TMEM132B: variants seen among roughly 807,000 people sequenced by gnomAD.
TMEM132B encodes the protein transmembrane protein 132B.
In TMEM132B, 18 loss-of-function variants were observed where a neutral mutation model predicts 90.8. That is an observed-to-expected ratio of 0.20 (90% CI 0.14 to 0.29). The LOEUF is 0.29. Among genes scored for constraint, TMEM132B ranks in the 10% least tolerant of loss-of-function variants. TMEM132B has a pLI of 1.00. For synonymous variants in TMEM132B, 504 were observed against 523.3 expected (o/e 0.96, Z 0.50); for missense variants, 1,096 against 1,326.8 (o/e 0.83, Z 2.70).
chr12:125,553,176 A>G lies in TMEM132B; in HGVS notation c.1294-30675A>G, dbSNP rs371576342. 9.8e-5 allele frequency among the ~76,000 whole-genome samples: 15 copies of G among 152,364 alleles called. No homozygotes were observed. In the East Asian group the frequency reaches 2.9e-3, roughly 29 times the overall value. On this transcript the variant is annotated intron_variant, in intron 4 of 8. Transcript: ENST00000682704. ...ATTTTATAATTTGCACGGGTTCTTTAGGGACTAATAGCTTCTCTGTACTGA... is the reference window on the plus strand; with the variant it reads ...ATTTTATAATTTGCACGGGTTCTTTGGGGACTAATAGCTTCTCTGTACTGA...
chr12:125,217,746 G>A (rs1004244053), intron 1 of TMEM132B, among the ~76,000 whole-genome samples: 2 of 152,170 alleles, frequency 1.3e-5, no homozygotes, highest in Non-Finnish European at 2.9e-5. Flanking sequence ...GAGCTACCAC[G>A]CCTGGCCTTC....
chr12:125,253,733 C>A (rs1874368414), intron 1 of TMEM132B, among the ~76,000 whole-genome samples: 1 of 152,258 alleles, frequency 6.6e-6, no homozygotes, highest in East Asian at 1.9e-4. Context: ...GGTGCCTGGC[C>A]CATCCCTTCA....
intron 5 of TMEM132B, among the ~76,000 whole-genome samples, chr12:125,643,175 G>A (rs117787311): frequency 6.6e-6 from 1 of 152,180 alleles, no homozygotes; most frequent in African/African-American, 2.4e-5. Context: ...GCTTGCAAAA[G>A]TGGGGCTGTG....
rs142105899 is a variant in TMEM132B, at chr12:125,478,278, A to C, written c.1107-41161A>C. 1.4e-3 allele frequency among the ~76,000 whole-genome samples: 213 copies of C among 152,358 alleles called. 1 individual carries two copies. The highest frequency in any genetic ancestry group is 4.9e-3 in the African/African-American group (205 of 41,586). Reference sequence around the variant, plus strand: ...GATGGAGAATGACTGACGATTTGACAGAAGTAGGCTTCAGAAAGTCGGTAA... The same window carrying C: ...GATGGAGAATGACTGACGATTTGACCGAAGTAGGCTTCAGAAAGTCGGTAA... On this transcript the variant is annotated intron_variant, in intron 3 of 8. Coordinates refer to ENST00000682704, the MANE Select transcript of TMEM132B (RefSeq NM_001366854.1).
chr12:125,462,656 C>G (rs1881467916), intron 3 of TMEM132B, among the ~76,000 whole-genome samples: 1 of 152,086 alleles, frequency 6.6e-6, no homozygotes, highest in African/African-American at 2.4e-5. Context: ...GGACTATGGG[C>G]TGGTTGAACT....
chr12:125,634,476 C>T (rs1273010147), intron 5 of TMEM132B, among the ~76,000 whole-genome samples: 1 of 152,212 alleles, frequency 6.6e-6, no homozygotes, highest in Non-Finnish European at 1.5e-5. Flanking sequence ...TTTCCCTCTG[C>T]TTTTCTTAAG....
intron 1 of TMEM132B, among the ~76,000 whole-genome samples, chr12:125,188,322 C>T (rs977923531): frequency 3.9e-5 from 6 of 152,206 alleles, no homozygotes; most frequent in African/African-American, 1.4e-4. Flanking sequence ...AGAGGGGCTG[C>T]TGCTGGGGCC....
intron 1 of TMEM132B, among the ~76,000 whole-genome samples, chr12:125,285,866 G>T (rs1034422612): frequency 6.6e-6 from 1 of 152,214 alleles, no homozygotes; most frequent in Admixed American, 6.5e-5. Context: ...ACCTGGGGTG[G>T]TGGGGGGCAT....
chr12:125,234,342 A>G (rs1489030210), intron 1 of TMEM132B, among the ~76,000 whole-genome samples: 4 of 152,094 alleles, frequency 2.6e-5, no homozygotes, highest in African/African-American at 7.2e-5. Flanking sequence ...CCTATTTTCC[A>G]TGGCGCTTCC....
intron 1 of TMEM132B, among the ~76,000 whole-genome samples, chr12:125,237,677 G>A (rs1873967435): frequency 6.6e-6 from 1 of 152,172 alleles, no homozygotes; most frequent in Non-Finnish European, 1.5e-5. Flanking sequence ...TCGAACTCCT[G>A]GCCTCAGGTG....
At chr12:125,206,528 G>T (rs1873189794) in intron 1 of TMEM132B, among the ~76,000 whole-genome samples, 1 of 152,092 alleles carries the variant, frequency 6.6e-6, no homozygotes, top group Non-Finnish European at 1.5e-5. Context: ...GTGAACTACT[G>T]CCCCTGGTCT....
Position 125,660,241 on chromosome 12 carries a change from C to T in TMEM132B, c.*5531C>T, listed in dbSNP as rs932116965. ...TCTGGCCTGGGCAACAAGAGCGAGACTTTGTCTCAAACAGAAACAAAACAA... is the reference window on the plus strand; with the variant it reads ...TCTGGCCTGGGCAACAAGAGCGAGATTTTGTCTCAAACAGAAACAAAACAA... On this transcript the variant is annotated 3_prime_UTR_variant, in exon 9 of 9. Coordinates refer to ENST00000682704, the MANE Select transcript of TMEM132B (RefSeq NM_001366854.1). The T allele has an allele frequency of 3.3e-5, 5 of 152,178 alleles. No homozygotes were observed. The highest frequency in any genetic ancestry group is 9.7e-5 in the African/African-American group (4 of 41,422). The allele number at this position is 152,178 out of a possible 1,614,324, so 9.4% of individuals were successfully genotyped here.
intron 1 of TMEM132B, among the ~76,000 whole-genome samples, chr12:125,267,996 T>C (rs1874736509): frequency 6.6e-6 from 1 of 152,098 alleles, no homozygotes; most frequent in Admixed American, 6.5e-5. Context: ...CTGTAATCCC[T>C]GTACTTTAGG....
intron 4 of TMEM132B, among the ~76,000 whole-genome samples, chr12:125,568,154 G>A (rs553164956): frequency 1.3e-5 from 2 of 152,184 alleles, no homozygotes; most frequent in Admixed American, 1.3e-4. Context: ...GTCTCAGTCT[G>A]TTTCTCTGTG....
chr12:125,465,492 A>G lies in TMEM132B; in HGVS notation c.1106+49815A>G, dbSNP rs577715612. ...TCTAGAAATGAACTGCTCAGTGACA[A>G]TGTCCTATCCAACTCAATCCACTGC... On this transcript the variant is annotated intron_variant, in intron 3 of 8. Coordinates refer to ENST00000682704, the MANE Select transcript of TMEM132B (RefSeq NM_001366854.1). Among the ~76,000 whole-genome samples the G allele has an allele frequency of 1.3e-3, 202 of 152,290 alleles. 1 individual carries two copies. The highest frequency in any genetic ancestry group is 4.6e-3 in the African/African-American group (193 of 41,560).
chr12:125,539,430 A>G (rs1336019199), intron 4 of TMEM132B, among the ~76,000 whole-genome samples: 1 of 152,126 alleles, frequency 6.6e-6, no homozygotes, highest in Non-Finnish European at 1.5e-5. Flanking sequence ...CGATGAGGTA[A>G]TGGTGCTGTC....
intron 5 of TMEM132B, among the ~76,000 whole-genome samples, chr12:125,610,059 A>G (rs992266129): frequency 3.9e-4 from 59 of 151,956 alleles, no homozygotes; most frequent in African/African-American, 1.4e-3. Flanking sequence ...CTATAGAAAT[A>G]CTATTTATAT....
At chr12:125,226,310 C>G (rs774341894) in intron 1 of TMEM132B, among the ~76,000 whole-genome samples, 7 of 152,202 alleles carry the variant, frequency 4.6e-5, no homozygotes, top group Admixed American at 1.3e-4. Context: ...TACTTACCCT[C>G]TTTGTTAAGG....
intron 1 of TMEM132B, among the ~76,000 whole-genome samples, chr12:125,304,049 G>T (rs138771888): frequency 5.6e-4 from 86 of 152,250 alleles, no homozygotes; most frequent in African/African-American, 1.9e-3. Flanking sequence ...GATTGTTTTG[G>T]GATAAAACTG....
Sources: allele counts gnomAD v4.1 joint callset (sites outside exome capture counted in the v4.1 genomes callset), GRCh38; gene constraint gnomAD v4.1.1; transcripts MANE v1.5; gene names NCBI Gene and HGNC (gene_info 2026-07-23, HGNC 2026-07-21).